The following FGGY variants were observed in gnomAD, a reference collection of about 807,000 sequenced individuals.
FGGY encodes FGGY carbohydrate kinase domain containing.
A neutral mutation model predicts 71.3 loss-of-function variants in FGGY; 72 were observed. That is an observed-to-expected ratio of 1.01 (90% CI 0.84 to 1.23). The LOEUF is 1.23. Among genes scored for constraint, FGGY ranks in the 50% most tolerant of loss-of-function variants. The pLI is 0.00. For synonymous variants in FGGY, 251 were observed against 250.3 expected, an observed-to-expected ratio of 1.00 and a Z score of -0.02; for missense variants, 668 against 682.3, an observed-to-expected ratio of 0.98 and a Z score of 0.23.
chr1:59,616,237 A>G (rs962806811), intron 9 of FGGY, among the ~76,000 whole-genome samples: 1 of 152,264 alleles, frequency 6.6e-6, no homozygotes, highest in African/African-American at 2.4e-5. Flanking sequence ...AACCAAGCCA[A>G]ACATCCAACA....
chr1:59,567,400 T>C (rs1399168941), intron 8 of FGGY, among the ~76,000 whole-genome samples: 1 of 152,190 alleles, frequency 6.6e-6, no homozygotes, highest in Non-Finnish European at 1.5e-5. Context: ...GTTTAGTTGA[T>C]CGTTGTAGCC....
intron 10 of FGGY, among the ~76,000 whole-genome samples, chr1:59,636,832 CTT>C (rs2096965219): frequency 6.6e-6 from 1 of 152,280 alleles, no homozygotes; most frequent in East Asian, 1.9e-4. Flanking sequence ...TTCTAAAACA[CTT>C]TTAAAATGCA....
intron 3 of FGGY, 96 bp downstream of exon 3, chr1:59,340,165 C>A: frequency 1.3e-6 from 1 of 776,104 alleles, no homozygotes; most frequent in Non-Finnish European, 2.1e-6. Flanking sequence ...TCTCTTGCTG[C>A]TGATAGTAAA....
intron 4 of FGGY, among the ~76,000 whole-genome samples, chr1:59,375,134 C>T (rs1218289832): frequency 2.0e-5 from 3 of 151,156 alleles, no homozygotes; most frequent in East Asian, 3.9e-4. Context: ...GTGGCATGCA[C>T]CTGTGTTCCC....
chr1:59,684,782 T>C (rs1381134852), intron 14 of FGGY, among the ~76,000 whole-genome samples: 1 of 152,200 alleles, frequency 6.6e-6, no homozygotes, highest in Non-Finnish European at 1.5e-5. Flanking sequence ...GCTTGCTAGC[T>C]GTGTGAACAC....
At chr1:59,545,975 T>A (rs1279463737) in intron 7 of FGGY, among the ~76,000 whole-genome samples, 1 of 152,230 alleles carries the variant, frequency 6.6e-6, no homozygotes, top group Non-Finnish European at 1.5e-5. Context: ...TGTCATCAGT[T>A]GTATAGTCAA....
intron 14 of FGGY, among the ~76,000 whole-genome samples, chr1:59,753,676 A>G (rs989401622): frequency 1.3e-5 from 2 of 151,606 alleles, no homozygotes; most frequent in African/African-American, 4.8e-5. Context: ...ATGCATATAT[A>G]ACTTGTTTTT....
intron 2 of FGGY, among the ~76,000 whole-genome samples, chr1:59,333,680 A>G (rs945944070): frequency 3.3e-5 from 5 of 152,226 alleles, no homozygotes; most frequent in African/African-American, 1.2e-4. Flanking sequence ...CCAGCAAAGC[A>G]AGAGAGGAGT....
At chr1:59,708,608 T>C (rs2097772212) in intron 14 of FGGY, among the ~76,000 whole-genome samples, 1 of 152,184 alleles carries the variant, frequency 6.6e-6, no homozygotes, top group Non-Finnish European at 1.5e-5. Flanking sequence ...AAGGAGGTTA[T>C]GTGAGGTGGG....
chr1:59,607,396 T>C (rs1049452048), intron 8 of FGGY, among the ~76,000 whole-genome samples: 1 of 152,192 alleles, frequency 6.6e-6, no homozygotes, highest in Non-Finnish European at 1.5e-5. Context: ...CCTCATTCTC[T>C]TGGCAAAACA....
At chr1:59,336,515 T>C (rs983505661) in intron 2 of FGGY, among the ~76,000 whole-genome samples, 1 of 147,916 alleles carries the variant, frequency 6.8e-6, no homozygotes, top group South Asian at 2.1e-4. Context: ...TTGGGATACA[T>C]GTGCAGAAAG....
chr1:59,610,316 G>A (rs1475097989), intron 9 of FGGY, among the ~76,000 whole-genome samples: 2 of 151,856 alleles, frequency 1.3e-5, no homozygotes, highest in Non-Finnish European at 2.9e-5. Context: ...TCCTGCTTAT[G>A]AGTGAGAACA....
chr1:59,538,353 G>A (rs12092907), intron 7 of FGGY, among the ~76,000 whole-genome samples: 1 of 151,510 alleles, frequency 6.6e-6, no homozygotes, highest in East Asian at 1.9e-4. Context: ...AACAGGTGCT[G>A]GAGAGGATGT....
intron 3 of FGGY, among the ~76,000 whole-genome samples, chr1:59,344,810 A>G (rs1478134030): frequency 6.6e-6 from 1 of 152,230 alleles, no homozygotes; most frequent in Admixed American, 6.5e-5. Flanking sequence ...CATTCAGTAC[A>G]GATGCAACCA....
chr1:59,373,941 C>T (rs1428265720), intron 4 of FGGY, among the ~76,000 whole-genome samples: 7 of 152,106 alleles, frequency 4.6e-5, no homozygotes, highest in Non-Finnish European at 8.8e-5. Context: ...GACCTAAAAC[C>T]ATAAAAACCC....
intron 13 of FGGY, among the ~76,000 whole-genome samples, chr1:59,667,854 A>G (rs2097339364): frequency 6.6e-6 from 1 of 152,228 alleles, no homozygotes; most frequent in African/African-American, 2.4e-5. Context: ...TGGCGTGAGA[A>G]AAGTACGGGG....
At chr1:59,591,573 A>C (rs1338390200) in intron 8 of FGGY, among the ~76,000 whole-genome samples, 1 of 152,230 alleles carries the variant, frequency 6.6e-6, no homozygotes, top group Admixed American at 6.5e-5. Flanking sequence ...AGAGCATGGT[A>C]CTGGTAACAA....
intron 10 of FGGY, among the ~76,000 whole-genome samples, chr1:59,630,592 C>G (rs565177567): frequency 2.0e-5 from 3 of 152,320 alleles, no homozygotes; most frequent in African/African-American, 7.2e-5. Flanking sequence ...TGTATATGAA[C>G]ATTTTAGTGT....
At chr1:59,621,459 CAAAAAAAAAAAA>C (rs56172542) in intron 9 of FGGY, among the ~76,000 whole-genome samples, 1 of 98,802 alleles carries the variant, frequency 1.0e-5, no homozygotes, top group Non-Finnish European at 1.9e-5. Context: ...GCCTCCGTCT[CAAAAAAAAAAAA>C]AAAAAAAAAG....
Sources: gnomAD v4.1 joint callset for allele counts (sites outside exome capture counted in the v4.1 genomes callset) on GRCh38, gnomAD v4.1.1 for gene constraint, MANE v1.5 for transcripts, NCBI Gene and HGNC (gene_info 2026-07-23, HGNC 2026-07-21) for gene names.